MAP7: variants seen among roughly 807,000 people sequenced by gnomAD.
The protein encoded by MAP7 is microtubule associated protein 7.
MAP7 carries 52 observed loss-of-function variants against 94.8 expected under a neutral mutation model. The ratio of observed to expected loss-of-function variants is 0.55; its 90% CI spans 0.44 to 0.69. The LOEUF (loss-of-function observed/expected upper bound fraction) is 0.69, where lower values mean the gene tolerates loss of function less well. Ranked by LOEUF, MAP7 falls within the 30% of genes least tolerant of loss-of-function variation. The pLI is 0.00. For synonymous variants in MAP7, 350 were observed against 357.0 expected, an observed-to-expected ratio of 0.98 and a Z score of 0.22; for missense variants, 940 against 964.6, an observed-to-expected ratio of 0.97 and a Z score of 0.34.
At chr6:136,440,160 G>T (rs904407337) in intron 1 of MAP7, among the ~76,000 whole-genome samples, 5 of 152,150 alleles carry the variant, frequency 3.3e-5, no homozygotes, top group African/African-American at 1.2e-4. Flanking sequence ...TGGGAGGTGT[G>T]AGCCGGGTGA....
At chr6:136,418,333 G>C (rs555426308) in intron 2 of MAP7, among the ~76,000 whole-genome samples, 1 of 152,186 alleles carries the variant, frequency 6.6e-6, no homozygotes, top group South Asian at 2.1e-4. Context: ...TCCTGCCTCA[G>C]CCTCCTGAGT....
At chr6:136,421,337 T>A (rs895605017) in intron 2 of MAP7, among the ~76,000 whole-genome samples, 1 of 152,252 alleles carries the variant, frequency 6.6e-6, no homozygotes, top group Non-Finnish European at 1.5e-5. Context: ...AAAAATTGTG[T>A]CCTATCATTT....
intron 1 of MAP7, among the ~76,000 whole-genome samples, chr6:136,537,865 G>A (rs1429065652): frequency 1.3e-5 from 2 of 150,796 alleles, no homozygotes; most frequent in Admixed American, 6.6e-5. Context: ...TCGGCTCACC[G>A]CACCTTCCTC....
intron 8 of MAP7, 92 bp downstream of exon 8, chr6:136,372,409 T>TA (rs1469135142): frequency 1.4e-6 from 2 of 1,462,106 alleles, no homozygotes; most frequent in Non-Finnish European, 1.9e-6. Context: ...CTCCCCCTCT[T>TA]ACGCCCACAC....
chr6:136,388,690 C>T (rs72977517), intron 4 of MAP7, among the ~76,000 whole-genome samples, 180 bp from the exon 5 acceptor site: 114 of 152,178 alleles, frequency 7.5e-4, no homozygotes, highest in Admixed American at 2.0e-3. Flanking sequence ...TCACTTTAGT[C>T]ATTAGGTCCC....
chr6:136,479,743 C>T (rs1347059263), intron 1 of MAP7, among the ~76,000 whole-genome samples: 2 of 151,982 alleles, frequency 1.3e-5, no homozygotes, highest in Admixed American at 1.3e-4. Flanking sequence ...GAAAGTAATC[C>T]CATTTACAAT....
At position 136,388,380 on chromosome 6, in the gene MAP7, G is replaced by T. The variant is rs775058050; in HGVS notation, c.526+13C>A. On this transcript the variant is annotated intron_variant, in intron 5 of 17. Coordinates refer to ENST00000354570, the MANE Select transcript of MAP7 (RefSeq NM_003980.6). ...GAAAATAAAGACTAATTTTCAAAGT[G>T]GTCACTGTTTACCTGCACTGTGGAT... 1.3e-6 allele frequency: 2 copies of T among 1,575,958 alleles called. No homozygotes were observed. Among genetic ancestry groups the T allele is most frequent in the Non-Finnish European group, 1.7e-6 (2 of 1,148,904 alleles).
intron 1 of MAP7, among the ~76,000 whole-genome samples, chr6:136,485,294 C>A (rs888507166): frequency 6.6e-6 from 1 of 152,156 alleles, no homozygotes; most frequent in African/African-American, 2.4e-5. Flanking sequence ...CTGGGATACA[C>A]TTTACAAATG....
chr6:136,457,620 T>C (rs901320056), intron 1 of MAP7, among the ~76,000 whole-genome samples: 8 of 152,104 alleles, frequency 5.3e-5, no homozygotes, highest in Non-Finnish European at 1.0e-4. Flanking sequence ...ATGAGATTTA[T>C]CCCTGGGATG....
intron 5 of MAP7, among the ~76,000 whole-genome samples, chr6:136,385,361 C>CA (rs1360573457): frequency 6.6e-6 from 1 of 152,114 alleles, no homozygotes; most frequent in African/African-American, 2.4e-5. Context: ...TAGGGTCAAA[C>CA]ATCAAAAGGA....
At chr6:136,449,438 T>G (rs1800423729) in intron 1 of MAP7, among the ~76,000 whole-genome samples, 1 of 152,228 alleles carries the variant, frequency 6.6e-6, no homozygotes, top group Non-Finnish European at 1.5e-5. Context: ...GACTCCGTGC[T>G]GCCATATGGT....
chr6:136,414,443 C>T, intron 2 of MAP7, among the ~76,000 whole-genome samples: 1 of 151,722 alleles, frequency 6.6e-6, no homozygotes, highest in Admixed American at 6.6e-5. Context: ...CATGACGACC[C>T]TCTCAGGCAA....
intron 1 of MAP7, among the ~76,000 whole-genome samples, chr6:136,517,006 T>C (rs1355934048): frequency 6.6e-6 from 1 of 152,166 alleles, no homozygotes; most frequent in African/African-American, 2.4e-5. Flanking sequence ...GAATTGGCTT[T>C]TAAAATGGCA....
At chr6:136,368,288 TC>T (rs1245646420) in intron 8 of MAP7, among the ~76,000 whole-genome samples, 1 of 151,886 alleles carries the variant, frequency 6.6e-6, no homozygotes, top group Non-Finnish European at 1.5e-5. Flanking sequence ...GTAAAGGCAC[TC>T]CCAATTCTCA....
chr6:136,367,570 G>A (rs536918934), intron 8 of MAP7, among the ~76,000 whole-genome samples: 1 of 152,254 alleles, frequency 6.6e-6, no homozygotes, highest in African/African-American at 2.4e-5. Context: ...GGTTATCAGA[G>A]GAGCAAAAAC....
At chr6:136,512,833 T>TC (rs201204332) in intron 1 of MAP7, among the ~76,000 whole-genome samples, 1 of 150,522 alleles carries the variant, frequency 6.6e-6, no homozygotes, top group African/African-American at 2.4e-5. Flanking sequence ...GGCAATTTCT[T>TC]CCCTTTTTTT....
intron 1 of MAP7, among the ~76,000 whole-genome samples, chr6:136,544,250 A>T (rs1829553804): frequency 6.6e-6 from 1 of 152,138 alleles, no homozygotes; most frequent in African/African-American, 2.4e-5. Flanking sequence ...TAGATTTTTT[A>T]AAATCCCTCT....
chr6:136,407,552 G>A (rs900882533), intron 3 of MAP7, among the ~76,000 whole-genome samples: 13 of 152,312 alleles, frequency 8.5e-5, no homozygotes, highest in African/African-American at 2.9e-4. Flanking sequence ...CAATGGCATA[G>A]ACTCTTACCT....
chr6:136,390,505 T>C (rs566007024), intron 3 of MAP7, among the ~76,000 whole-genome samples: 1 of 151,802 alleles, frequency 6.6e-6, no homozygotes, highest in African/African-American at 2.4e-5. Context: ...ATATAAAAAT[T>C]AGGAAGGTGT....
Sources: allele counts gnomAD v4.1 joint callset (sites outside exome capture counted in the v4.1 genomes callset), GRCh38; gene constraint gnomAD v4.1.1; transcripts MANE v1.5; gene names NCBI Gene and HGNC (gene_info 2026-07-23, HGNC 2026-07-21).